MAGED1: variants seen among roughly 807,000 people sequenced by gnomAD.
MAGED1 encodes MAGE family member D1, also known as melanoma-associated antigen D1.
A neutral mutation model predicts 54.1 loss-of-function variants in MAGED1; 3 were observed. The observed-to-expected ratio is 0.06, with a 90% CI of 0.03 to 0.14. The LOEUF is 0.14. Among genes scored for constraint, MAGED1 ranks in the 10% least tolerant of loss-of-function variants. The pLI is 1.00. For missense variants in MAGED1, 485 were observed against 623.4 expected, an observed-to-expected ratio of 0.78 and a Z score of 2.36; for synonymous variants, 217 against 227.3, an observed-to-expected ratio of 0.95 and a Z score of 0.41.
At chrX:51,869,557 T>G (rs1384273752) in intron 1 of MAGED1, among the ~76,000 whole-genome samples, 1 of 111,269 alleles carries the variant, frequency 9.0e-6, no homozygotes, top group Non-Finnish European at 1.9e-5. Context: ...TTTTTTTCAT[T>G]TTTAATTTTT....
At chrX:51,889,627 CA>C (rs1170454113), upstream of MAGED1, among the ~76,000 whole-genome samples, 1,957 of 16,858 alleles carry the variant, frequency 0.12, 19 homozygotes, top group African/African-American at 0.26. Context: ...GACTCTGTCT[CA>C]AAAAAAAAAA....
rs1557364787 is a variant in MAGED1, at chrX:51,900,322, G to C, written c.1959+26G>C. The C allele has an allele frequency of 2.7e-6, 3 of 1,115,698 alleles. No individual in the cohort carries two copies. In the South Asian group the frequency reaches 5.6e-5, roughly 21 times the overall value. The allele number at this position is 1,115,698 out of a possible 1,213,427, so 91.9% of individuals were successfully genotyped here. A position where few individuals can be genotyped will look rare whatever the true frequency, so the allele number is the denominator to read the frequency against. ...GTAATGGAGGAACTGTTCCAGCATT[G>C]ATAGGTCAAGGGATGAAGTATAGCT... On this transcript the variant is annotated intron_variant, in intron 11 of 12. Transcript: ENST00000326587.
intron 1 of MAGED1, among the ~76,000 whole-genome samples, chrX:51,862,633 A>C (rs1557360777): frequency 8.9e-6 from 1 of 111,768 alleles, no homozygotes. Flanking sequence ...AGAAAAGGGT[A>C]CTGTTGCCCC....
At chrX:51,832,383 A>G (rs1926103104) in intron 1 of MAGED1, among the ~76,000 whole-genome samples, 1 of 111,065 alleles carries the variant, frequency 9.0e-6, no homozygotes, top group Non-Finnish European at 1.9e-5. Context: ...TAGTCACCCT[A>G]TTGTGCTACT....
In MAGED1 at chrX:51,896,877, C is replaced by T. The variant is rs937605675; in HGVS notation, c.1222C>T (p.Pro408Ser). 1.7e-5 allele frequency: 21 copies of T among 1,204,971 alleles called. No individual in the cohort carries two copies. The highest frequency in any genetic ancestry group is 2.1e-5 in the Non-Finnish European group (19 of 892,297). The change falls in exon 4 of 13, where the codon CCC (proline) becomes TCC (serine). Residue 408 changes from proline to serine, a missense_variant. Around this residue, in one of 2 missense-constraint regions of MAGED1, gnomAD observed 186 missense variants for 330.3 expected, o/e 0.56. Transcript: ENST00000326587. ...WQGPPDWPLP[P>S]DWPLPPDWPL... ...AGGTCCTCCTGACTGGCCGCTACCA[C>T]CCGACTGGCCACTGCCACCTGATTG...
chrX:51,843,734 G>A (rs1286788735), intron 1 of MAGED1, among the ~76,000 whole-genome samples: 2 of 111,765 alleles, frequency 1.8e-5, no homozygotes, highest in Non-Finnish European at 1.9e-5. Flanking sequence ...CCTGGAAGTA[G>A]AGTGCTGCTG....
At chrX:51,804,671 C>A (rs1398591806) in intron 1 of MAGED1, among the ~76,000 whole-genome samples, 1 of 110,086 alleles carries the variant, frequency 9.1e-6, no homozygotes, top group Non-Finnish European at 1.9e-5. Flanking sequence ...GCAAGTGGCA[C>A]TGGTGTTAAA....
At chrX:51,806,713 G>T (rs1392361972) in intron 1 of MAGED1, among the ~76,000 whole-genome samples, 1 of 111,251 alleles carries the variant, frequency 9.0e-6, no homozygotes, top group East Asian at 2.8e-4. Context: ...TGAATCACAG[G>T]TTATGTATAA....
chrX:51,897,788 C>T lies in MAGED1; in HGVS notation c.1567-7C>T. On this transcript the variant is annotated splice_polypyrimidine_tract_variant and splice_region_variant and intron_variant, in intron 6 of 12. Transcript: ENST00000326587. ...TAATTTCATAGTCTGTTTTCTTGCC[C>T]CTGTAGAAATTTGGGATTCAACTGA... 1.7e-6 allele frequency: 2 copies of T among 1,187,440 alleles called. No individual in the cohort carries two copies.
chrX:51,843,751 G>A (rs1926589785), intron 1 of MAGED1, among the ~76,000 whole-genome samples: 1 of 111,799 alleles, frequency 8.9e-6, no homozygotes, highest in African/African-American at 3.2e-5. Context: ...GCTGTACCAA[G>A]CACCTAAAAA....
chrX:51,891,545 C>T (rs184698871), upstream of MAGED1, among the ~76,000 whole-genome samples: 2 of 112,828 alleles, frequency 1.8e-5, no homozygotes, highest in African/African-American at 6.4e-5. Context: ...GCGATTCATT[C>T]ATTTAACAAA....
intron 1 of MAGED1, among the ~76,000 whole-genome samples, chrX:51,804,044 A>C (rs1924950381): frequency 8.9e-6 from 1 of 112,138 alleles, no homozygotes; most frequent in Non-Finnish European, 1.9e-5. Context: ...ATTAAACAGC[A>C]AGCTGACATT....
chrX:51,847,248 C>A (rs1403143779), intron 1 of MAGED1, among the ~76,000 whole-genome samples: 1 of 111,382 alleles, frequency 9.0e-6, no homozygotes, highest in Non-Finnish European at 1.9e-5. Flanking sequence ...TAAAAGTAAC[C>A]ATTATTCTGA....
intron 1 of MAGED1, among the ~76,000 whole-genome samples, chrX:51,840,423 CT>C (rs1176890690): frequency 4.6e-4 from 49 of 105,862 alleles, no homozygotes; most frequent in African/African-American, 1.3e-3. Context: ...ATTCCAAAGA[CT>C]TTTTTTTTTA....
chrX:51,814,257 T>C (rs1925325322), intron 1 of MAGED1, among the ~76,000 whole-genome samples: 1 of 111,835 alleles, frequency 8.9e-6, no homozygotes, highest in Non-Finnish European at 1.9e-5. Flanking sequence ...GTTATGGCTG[T>C]TGCTGCTGCT....
intron 1 of MAGED1, among the ~76,000 whole-genome samples, chrX:51,824,862 CTG>C (rs58934297): frequency 0.024 from 1,758 of 72,424 alleles, 18 homozygotes; most frequent in Non-Finnish European, 0.028. Context: ...TCTCAGAAAC[CTG>C]TGTGTGTGTG....
chrX:51,883,458 A>G (rs1928130140), intron 1 of MAGED1, among the ~76,000 whole-genome samples: 1 of 112,269 alleles, frequency 8.9e-6, no homozygotes, highest in South Asian at 3.8e-4. Flanking sequence ...CCCAGGTATC[A>G]GTGGAATCTG....
intron 1 of MAGED1, among the ~76,000 whole-genome samples, chrX:51,876,760 TTTTTCTTTTCTTTTC>T (rs201706791): frequency 1.8e-5 from 2 of 110,814 alleles, no homozygotes; most frequent in African/African-American, 6.6e-5. Context: ...ACTGGGTACC[TTTTTCTTTTCTTTTC>T]TTTTCTTTTC....
At position 51,896,589 on chromosome X, in the gene MAGED1, A is replaced by T. The variant is rs1433953500; in HGVS notation, c.934A>T (p.Thr312Ser). The T allele has an allele frequency of 8.3e-7, 1 of 1,211,677 alleles. No individual in the cohort carries two copies. The highest frequency in any genetic ancestry group is 3.0e-5 in the East Asian group (1 of 33,833). ...GAACCCCTCAGGCTGGCAAAACCAGACAGCCAGGCAGACCCCACCAGCACG... is the reference window on the plus strand; with the variant it reads ...GAACCCCTCAGGCTGGCAAAACCAGTCAGCCAGGCAGACCCCACCAGCACG... ...WQNPSGWQNQ[T>S]ARQTPPARQS... Residue 312 changes from threonine to serine, a missense_variant, in exon 4 of 13, where the codon ACA (threonine) becomes TCA (serine). By Grantham distance (58) the Thr-to-Ser change is moderately conservative (BLOSUM62 1). This residue lies in a region of MAGED1 where 299 missense variants were observed against 293.1 expected (regional missense o/e 1.02). Coordinates refer to ENST00000326587, the MANE Select transcript of MAGED1 (RefSeq NM_006986.4).
Sources: gnomAD v4.1 joint callset for allele counts (sites outside exome capture counted in the v4.1 genomes callset) on GRCh38, gnomAD v4.1.1 for gene constraint, gnomAD v4.1.1 regional missense constraint, MANE v1.5 for transcripts, NCBI Gene and HGNC (gene_info 2026-07-23, HGNC 2026-07-21) for gene names.